The following DLGAP2 variants were observed in gnomAD, a reference collection of about 807,000 sequenced individuals.
The protein encoded by DLGAP2 is DLG associated protein 2, also known as disks large-associated protein 2.
A neutral mutation model predicts 100.3 loss-of-function variants in DLGAP2; 26 were observed. That is an observed-to-expected ratio of 0.26 (90% CI 0.19 to 0.36). The LOEUF is 0.36. Ranked by LOEUF, DLGAP2 falls within the 10% of genes least tolerant of loss-of-function variation. DLGAP2 has a pLI of 1.00. For missense variants in DLGAP2, 1,858 were observed against 1,453.2 expected, an observed-to-expected ratio of 1.28 and a Z score of -4.53; for synonymous variants, 886 against 630.1, an observed-to-expected ratio of 1.41 and a Z score of -6.08.
chr8:1,158,072 G>A (rs1223998078), intron 2 of DLGAP2, among the ~76,000 whole-genome samples: 2 of 152,202 alleles, frequency 1.3e-5, no homozygotes, highest in Admixed American at 6.5e-5. Context: ...CTGCACAGCT[G>A]CCCCTTGCAG....
chr8:1,476,872 T>G (rs1161666179), intron 3 of DLGAP2, among the ~76,000 whole-genome samples: 1 of 150,676 alleles, frequency 6.6e-6, no homozygotes, highest in East Asian at 2.0e-4. Flanking sequence ...GGCCGAGTGC[T>G]GTCGGCCAAC....
At chr8:902,978 G>A (rs1584876975) in intron 1 of DLGAP2, among the ~76,000 whole-genome samples, 2 of 51,786 alleles carry the variant, frequency 3.9e-5, no homozygotes, top group Non-Finnish European at 8.4e-5. Context: ...GTTCGGGTGG[G>A]TGGGGGCGGG....
chr8:1,434,562 A>C (rs1447836380), intron 3 of DLGAP2, among the ~76,000 whole-genome samples: 2 of 152,018 alleles, frequency 1.3e-5, no homozygotes, highest in African/African-American at 4.8e-5. Context: ...CTGCAGGCTC[A>C]ACCTCCTGGG....
intron 2 of DLGAP2, among the ~76,000 whole-genome samples, chr8:1,182,707 G>A (rs1010870283): frequency 1.3e-5 from 2 of 152,182 alleles, no homozygotes; most frequent in East Asian, 1.9e-4. Flanking sequence ...CTGCCATCAC[G>A]TCTGCGCTGC....
intron 1 of DLGAP2, among the ~76,000 whole-genome samples, chr8:850,151 T>C (rs1031141774): frequency 1.3e-5 from 2 of 152,148 alleles, no homozygotes; most frequent in African/African-American, 4.8e-5. Flanking sequence ...CCCTGTCAGA[T>C]GTGACATTTG....
chr8:1,319,151 C>T (rs1425960495), intron 3 of DLGAP2, among the ~76,000 whole-genome samples: 1 of 152,138 alleles, frequency 6.6e-6, no homozygotes, highest in Admixed American at 6.5e-5. Context: ...GTGCTCGCTG[C>T]CTCCCTGCAG....
At chr8:1,582,933 C>T (rs372649707) in intron 6 of DLGAP2, among the ~76,000 whole-genome samples, 4 of 152,230 alleles carry the variant, frequency 2.6e-5, no homozygotes, top group African/African-American at 9.6e-5. Context: ...AGAGGGAGGG[C>T]TGCATGTCTC....
At chr8:1,085,496 A>G (rs747493241) in intron 2 of DLGAP2, among the ~76,000 whole-genome samples, 1 of 152,074 alleles carries the variant, frequency 6.6e-6, no homozygotes, top group Non-Finnish European at 1.5e-5. Flanking sequence ...TTCAGTTCTG[A>G]TGTGTAAATC....
chr8:1,084,887 A>T (rs1415717960), intron 2 of DLGAP2, among the ~76,000 whole-genome samples: 1 of 152,144 alleles, frequency 6.6e-6, no homozygotes, highest in African/African-American at 2.4e-5. Flanking sequence ...TTCTGAGTAA[A>T]CACCCAGAAG....
chr8:1,601,787 T>G (rs567224465), intron 6 of DLGAP2, among the ~76,000 whole-genome samples: 1 of 152,082 alleles, frequency 6.6e-6, no homozygotes, highest in Admixed American at 6.5e-5. Flanking sequence ...GTCTTTGGAG[T>G]TGCTGTTTCC....
chr8:820,710 A>G (rs1349772098), intron 1 of DLGAP2, among the ~76,000 whole-genome samples: 1 of 152,222 alleles, frequency 6.6e-6, no homozygotes, highest in Non-Finnish European at 1.5e-5. Context: ...TTGACTCAGT[A>G]ATTCTGTCTA....
chr8:1,475,831 C>A (rs1160773389), intron 3 of DLGAP2, among the ~76,000 whole-genome samples: 1 of 152,130 alleles, frequency 6.6e-6, no homozygotes, highest in Non-Finnish European at 1.5e-5. Flanking sequence ...CTCTTTGTAA[C>A]CAAATGGAAA....
intron 3 of DLGAP2, among the ~76,000 whole-genome samples, chr8:1,453,493 C>T (rs908981447): frequency 6.6e-6 from 1 of 152,136 alleles, no homozygotes; most frequent in Non-Finnish European, 1.5e-5. Context: ...GTTGGCGTGG[C>T]TGCATTGAAA....
At chr8:978,900 A>G (rs1337366451) in intron 2 of DLGAP2, among the ~76,000 whole-genome samples, 1 of 152,202 alleles carries the variant, frequency 6.6e-6, no homozygotes, top group Non-Finnish European at 1.5e-5. Context: ...AATGTATGAC[A>G]TATTATTGCA....
At chr8:797,845 G>T (rs753040316) in intron 1 of DLGAP2, among the ~76,000 whole-genome samples, 2 of 152,180 alleles carry the variant, frequency 1.3e-5, no homozygotes, top group African/African-American at 2.4e-5. Flanking sequence ...CCGCCTCCCA[G>T]GTTCAAGCAA....
At chr8:1,505,618 GT>G in intron 4 of DLGAP2, among the ~76,000 whole-genome samples, 1 of 152,174 alleles carries the variant, frequency 6.6e-6, no homozygotes, top group Non-Finnish European at 1.5e-5. Context: ...GGATAAGGAA[GT>G]TTTCCATAAA....
At chr8:1,361,870 G>T (rs1801989609) in intron 3 of DLGAP2, among the ~76,000 whole-genome samples, 1 of 152,312 alleles carries the variant, frequency 6.6e-6, no homozygotes, top group East Asian at 1.9e-4. Context: ...GGCTCCCACG[G>T]TTTCATTTCC....
chr8:1,331,681 C>G (rs185363122), intron 3 of DLGAP2, among the ~76,000 whole-genome samples: 1 of 152,136 alleles, frequency 6.6e-6, no homozygotes, highest in Non-Finnish European at 1.5e-5. Context: ...GTAAAAATAT[C>G]CCGGATGTGA....
intron 2 of DLGAP2, among the ~76,000 whole-genome samples, chr8:1,236,321 TCTGGTTCTCTC>T (rs1425084589): frequency 5.2e-4 from 31 of 60,004 alleles, no homozygotes; most frequent in African/African-American, 2.1e-3. Context: ...TGGCGCCGTG[TCTGGTTCTCTC>T]ACATGGCGCC....
Sources: allele counts gnomAD v4.1 joint callset (sites outside exome capture counted in the v4.1 genomes callset), GRCh38; gene constraint gnomAD v4.1.1; transcripts MANE v1.5; gene names NCBI Gene and HGNC (gene_info 2026-07-23, HGNC 2026-07-21).